The following BLTP3B variants were observed in gnomAD, a reference collection of about 807,000 sequenced individuals.
BLTP3B encodes the protein UHRF1 (ICBP90) binding protein 1-like.
At chr12:100,088,400 T>A in the BLTP3B span, among the ~76,000 whole-genome samples, 26 of 152,026 alleles carry the variant, frequency 1.7e-4, no homozygotes, top group Admixed American at 1.7e-3. Context: ...TAAAAGAAAA[T>A]TCCTAACTGG....
the BLTP3B span, among the ~76,000 whole-genome samples, chr12:100,054,658 A>G: frequency 2.1e-4 from 32 of 152,294 alleles, no homozygotes; most frequent in Admixed American, 1.6e-3. Flanking sequence ...ACACATTAGT[A>G]CCTCTTCTAC....
the BLTP3B span, among the ~76,000 whole-genome samples, chr12:100,128,252 C>A: frequency 1.3e-5 from 2 of 152,110 alleles, no homozygotes; most frequent in Non-Finnish European, 2.9e-5. Flanking sequence ...AGATCAAATG[C>A]TAACTACTAT....
the BLTP3B span, among the ~76,000 whole-genome samples, chr12:100,118,112 A>G: frequency 6.6e-6 from 1 of 151,802 alleles, no homozygotes; most frequent in Non-Finnish European, 1.5e-5. Context: ...AAATTTTTGT[A>G]TTTTTTTTAA....
chr12:100,139,375 T>G, the BLTP3B span, among the ~76,000 whole-genome samples: 1 of 152,224 alleles, frequency 6.6e-6, no homozygotes, highest in African/African-American at 2.4e-5. Flanking sequence ...CTGCACTATA[T>G]TTCAACCTCA....
chr12:100,120,387 T>G, the BLTP3B span, among the ~76,000 whole-genome samples: 1 of 150,842 alleles, frequency 6.6e-6, no homozygotes, highest in African/African-American at 2.4e-5. Context: ...AAGAAAAAAA[T>G]AAAAATAAAA....
chr12:100,128,986 G>A, the BLTP3B span, among the ~76,000 whole-genome samples: 1 of 151,686 alleles, frequency 6.6e-6, no homozygotes, highest in South Asian at 2.1e-4. Context: ...ATATTAAACT[G>A]TCAATTAACA....
At chr12:100,088,317 G>C in the BLTP3B span, among the ~76,000 whole-genome samples, 5 of 152,010 alleles carry the variant, frequency 3.3e-5, no homozygotes, top group Admixed American at 6.6e-5. Context: ...CTCCAGCAGA[G>C]AAACAAAAAC....
the BLTP3B span, among the ~76,000 whole-genome samples, chr12:100,085,287 CAGA>C: frequency 6.6e-6 from 1 of 151,484 alleles, no homozygotes; most frequent in South Asian, 2.1e-4. Flanking sequence ...GAGGCTGAGG[CAGA>C]AGGTCGAGGC....
the BLTP3B span, among the ~76,000 whole-genome samples, chr12:100,124,586 C>T: frequency 6.6e-6 from 1 of 151,220 alleles, no homozygotes; most frequent in African/African-American, 2.4e-5. Context: ...CTACTAAAAA[C>T]ACAAAAAAAT....
chr12:100,054,931 C>T, the BLTP3B span, among the ~76,000 whole-genome samples: 3 of 152,064 alleles, frequency 2.0e-5, no homozygotes, highest in African/African-American at 7.2e-5. Context: ...ATAATAACCA[C>T]CTCATATGAT....
chr12:100,059,872 C>A, the BLTP3B span: 1 of 1,611,334 alleles, frequency 6.2e-7, no homozygotes, highest in South Asian at 1.1e-5. Flanking sequence ...GCCATCAACT[C>A]GAACATCAAC....
At chr12:100,102,996 T>C in the BLTP3B span, 1 of 524,380 alleles carries the variant, frequency 1.9e-6, no homozygotes, top group Non-Finnish European at 3.1e-6. Context: ...AGTGCCTCTC[T>C]ACAGGTCTAA....
chr12:100,133,069 C>T, the BLTP3B span, among the ~76,000 whole-genome samples: 1 of 152,066 alleles, frequency 6.6e-6, no homozygotes, highest in African/African-American at 2.4e-5. Context: ...CGGTGAAACC[C>T]TGTCTCTACA....
the BLTP3B span, among the ~76,000 whole-genome samples, chr12:100,118,167 C>T: frequency 6.6e-6 from 1 of 151,958 alleles, no homozygotes; most frequent in Admixed American, 6.6e-5. Context: ...CTGTACAAAA[C>T]ACGTGGCCAG....
chr12:100,132,703 T>C, the BLTP3B span, among the ~76,000 whole-genome samples: 335 of 151,898 alleles, frequency 2.2e-3, 2 homozygotes, highest in African/African-American at 7.6e-3. Flanking sequence ...TCCCAGCACT[T>C]TGGGAGGCCA....
the BLTP3B span, among the ~76,000 whole-genome samples, chr12:100,074,402 C>G: frequency 2.0e-5 from 3 of 152,212 alleles, no homozygotes; most frequent in Admixed American, 6.5e-5. Context: ...AGCTCGAGAC[C>G]AGCGTGGCCA....
chr12:100,056,963 A>T, the BLTP3B span, among the ~76,000 whole-genome samples: 1 of 152,194 alleles, frequency 6.6e-6, no homozygotes, highest in Middle Eastern at 3.2e-3. Context: ...TAATGCCTTA[A>T]TGAGGGAGAT....
At chr12:100,037,683 C>T in the BLTP3B span, 1 of 1,610,938 alleles carries the variant, frequency 6.2e-7, no homozygotes, top group Non-Finnish European at 8.5e-7. Context: ...GCATCTTTTT[C>T]CAAGTGAGCC....
At chr12:100,141,021 G>A in the BLTP3B span, among the ~76,000 whole-genome samples, 3 of 152,006 alleles carry the variant, frequency 2.0e-5, no homozygotes, top group South Asian at 6.2e-4. Context: ...TGAGAAAGTA[G>A]GCATTCAAAT....
Sources: gnomAD v4.1 joint callset for allele counts (sites outside exome capture counted in the v4.1 genomes callset) on GRCh38, gnomAD v4.1.1 for gene constraint, MANE v1.5 for transcripts, NCBI Gene and HGNC (gene_info 2026-07-23, HGNC 2026-07-21) for gene names.